Variants in INSR observed in about 807,000 individuals in gnomAD.
INSR encodes the protein insulin receptor.
In INSR, 67 loss-of-function variants were observed where a neutral mutation model predicts 142.6. The observed-to-expected ratio is 0.47, with a 90% confidence interval of 0.39 to 0.58. The LOEUF (loss-of-function observed/expected upper bound fraction) is 0.58, where lower values mean the gene tolerates loss of function less well. Ranked by LOEUF, INSR falls within the 20% of genes least tolerant of loss-of-function variation. INSR has a pLI of 0.00. For missense variants in INSR, 1,248 were observed against 1,833.2 expected, an observed-to-expected ratio of 0.68 and a Z score of 5.83; for synonymous variants, 756 against 743.1, an observed-to-expected ratio of 1.02 and a Z score of -0.28.
chr19:7,228,335 C>T (rs881759), intron 2 of INSR, among the ~76,000 whole-genome samples: 22,073 of 152,222 alleles, frequency 0.15, 1,967 homozygotes, highest in Non-Finnish European at 0.2. Flanking sequence ...TGTCATTATA[C>T]ACAGACAAAT....
In INSR at chr19:7,256,424, G is replaced by A. The variant is rs534574975; in HGVS notation, c.652+10921C>T. ...AGATTGCGCCACTGCACTTCAGCCT[G>A]GGCAACAGAGCAAGACTCCATCTCA... On this transcript the variant is annotated intron_variant, in intron 2 of 21. Transcript: ENST00000302850. 9.2e-5 allele frequency among the ~76,000 whole-genome samples: 14 copies of A among 152,068 alleles called. No individual in the cohort carries two copies. The South Asian group carries it at 2.5e-3, about 27-fold the overall frequency.
intron 2 of INSR, among the ~76,000 whole-genome samples, chr19:7,187,468 T>C (rs1568472691): frequency 6.6e-6 from 1 of 152,226 alleles, no homozygotes; most frequent in African/African-American, 2.4e-5. Context: ...CATTTCATTT[T>C]AATTTCAGTT....
intron 2 of INSR, among the ~76,000 whole-genome samples, chr19:7,235,965 C>T (rs1976145566): frequency 7.6e-6 from 1 of 131,718 alleles, no homozygotes; most frequent in African/African-American, 3.0e-5. Flanking sequence ...AACAATCTGG[C>T]CTTTCCTTTT....
intron 3 of INSR, 120 bp downstream of exon 3, chr19:7,184,196 A>C: frequency 1.2e-6 from 1 of 845,606 alleles, no homozygotes; most frequent in Non-Finnish European, 1.9e-6. Flanking sequence ...GAGAGCAGAG[A>C]CCTCACTCAT....
At position 7,192,635 on chromosome 19, in the gene INSR, G is replaced by A. The variant is rs1974634067; in HGVS notation, c.653-7998C>T. 6.6e-6 allele frequency among the ~76,000 whole-genome samples: 1 copy of A among 152,176 alleles called. No homozygotes were observed. Among genetic ancestry groups the A allele is most frequent in the Non-Finnish European group, 1.5e-5 (1 of 68,034 alleles). On this transcript the variant is annotated intron_variant, in intron 2 of 21. Transcript: ENST00000302850. This position sits in a 1 kb window ranked among gnomAD's most constrained non-coding sequence, Gnocchi z 4.2. The stretch of plus-strand genomic sequence containing the variant: ...CAGGAAAATGCCAAACCGTCCGGGG[G>A]CTGTCACTCCCTCACACCTGCACAC...
chr19:7,265,601 G>C (rs375307029), intron 2 of INSR, among the ~76,000 whole-genome samples: 33 of 152,166 alleles, frequency 2.2e-4, no homozygotes, highest in African/African-American at 7.5e-4. Context: ...TGGGCTTGGT[G>C]GTGGGTGCCT....
At chr19:7,172,933 T>TG (rs1308855805) in intron 4 of INSR, among the ~76,000 whole-genome samples, 1 of 151,412 alleles carries the variant, frequency 6.6e-6, no homozygotes, top group Non-Finnish European at 1.5e-5. Flanking sequence ...GGTTGACAAA[T>TG]GACAGCCCAC....
chr19:7,266,925 C>T (rs1178835578), intron 2 of INSR, among the ~76,000 whole-genome samples: 8 of 152,030 alleles, frequency 5.3e-5, no homozygotes, highest in East Asian at 1.9e-4. Flanking sequence ...TTAAAAAAAC[C>T]GAATCTACAG....
In INSR at chr19:7,268,354, C is replaced by T. The variant is rs1377600812; in HGVS notation, c.101-458G>A. The T allele has an allele frequency of 3.5e-6, 3 of 855,684 alleles. No individual in the cohort carries two copies. The African/African-American group carries it at 5.5e-5, about 16-fold the overall frequency. The allele number at this position is 855,684 out of a possible 1,614,324, so 53.0% of individuals were successfully genotyped here. A position where few individuals can be genotyped will look rare whatever the true frequency, so the allele number is the denominator to read the frequency against. On this transcript the variant is annotated intron_variant, in intron 1 of 21. Coordinates refer to ENST00000302850, the MANE Select transcript of INSR (RefSeq NM_000208.4). ...TTTGTCAATCCTCCCACCTCGCTGG[C>T]TGACTTTCCTTCCCGGACTGCTCTC... is the stretch of plus-strand genomic sequence containing the variant.
intron 1 of INSR, among the ~76,000 whole-genome samples, chr19:7,293,307 C>T (rs538582244): frequency 2.4e-3 from 372 of 152,322 alleles, no homozygotes; most frequent in African/African-American, 8.6e-3. Flanking sequence ...GAGGGGGGCT[C>T]TGCAGTCCCT....
chr19:7,137,338 C>A (rs1599889061), intron 13 of INSR, among the ~76,000 whole-genome samples: 1 of 151,814 alleles, frequency 6.6e-6, no homozygotes, highest in East Asian at 1.9e-4. Flanking sequence ...CATGATTGGG[C>A]ACTGGATGTC....
At chr19:7,236,123 G>A (rs936914126) in intron 2 of INSR, among the ~76,000 whole-genome samples, 4 of 151,720 alleles carry the variant, frequency 2.6e-5, no homozygotes, top group Non-Finnish European at 4.4e-5. Context: ...CACCACACCC[G>A]GCTAATTTTT....
chr19:7,289,033 C>G (rs1968419921), intron 1 of INSR, among the ~76,000 whole-genome samples: 1 of 151,330 alleles, frequency 6.6e-6, no homozygotes, highest in South Asian at 2.1e-4. Flanking sequence ...AACATCTTAG[C>G]CCAGGTAGAA....
At chr19:7,193,444 G>A (rs926182886) in intron 2 of INSR, among the ~76,000 whole-genome samples, 5 of 151,350 alleles carry the variant, frequency 3.3e-5, no homozygotes, top group South Asian at 2.1e-4. Flanking sequence ...CCTGGGGAGC[G>A]GAAGTTGCAG....
intron 2 of INSR, among the ~76,000 whole-genome samples, chr19:7,261,827 C>T (rs934870144): frequency 2.0e-5 from 3 of 152,132 alleles, no homozygotes; most frequent in African/African-American, 7.2e-5. Flanking sequence ...CCTCCACACC[C>T]GGCCCCCTTA....
intron 19 of INSR, among the ~76,000 whole-genome samples, chr19:7,121,314 G>C (rs1376029446): frequency 6.6e-6 from 1 of 151,846 alleles, no homozygotes; most frequent in East Asian, 1.9e-4. Flanking sequence ...ATGTCTTTTT[G>C]AGTCATAAAT....
At chr19:7,284,641 G>A (rs1042793756) in intron 1 of INSR, among the ~76,000 whole-genome samples, 11 of 151,850 alleles carry the variant, frequency 7.2e-5, no homozygotes, top group African/African-American at 2.7e-4. Flanking sequence ...TGATTCTCCT[G>A]CCTCAGCCTC....
rs1305937033 is a variant in INSR, at chr19:7,159,780, GC to G, written c.2029+3251del. ...GCTCCCAGAGATCATCTGTCCTCCC[GC>G]CCCTTCTCCCAAAAAGGAGGCAGAC... On this transcript the variant is annotated intron_variant, in intron 9 of 21. Transcript: ENST00000302850. The surrounding 1 kb of genome is among the most constrained non-coding windows in gnomAD (Gnocchi z 4.3). The G allele has an allele frequency of 6.6e-6, 1 of 152,138 alleles. No homozygotes were observed. Among genetic ancestry groups the G allele is most frequent in the Non-Finnish European group, 1.5e-5 (1 of 68,060 alleles). The allele number at this position is 152,138 out of a possible 1,614,324, so 9.4% of individuals were successfully genotyped here. A position where few individuals can be genotyped will look rare whatever the true frequency, so the allele number is the denominator to read the frequency against.
chr19:7,217,553 A>G (rs1036764058), intron 2 of INSR, among the ~76,000 whole-genome samples: 6 of 152,086 alleles, frequency 3.9e-5, no homozygotes, highest in African/African-American at 1.4e-4. Context: ...ATCGAGTGAT[A>G]TCTTTTTTCT....
Sources: gnomAD v4.1 joint callset for allele counts (sites outside exome capture counted in the v4.1 genomes callset) on GRCh38, gnomAD v4.1.1 for gene constraint, Gnocchi (gnomAD v3.1) non-coding constraint, MANE v1.5 for transcripts, NCBI Gene and HGNC (gene_info 2026-07-23, HGNC 2026-07-21) for gene names.